POC1B: variants seen among roughly 807,000 people sequenced by gnomAD.
POC1B encodes POC1 centriolar protein homolog B.
In POC1B, 44 loss-of-function variants were observed where a neutral mutation model predicts 60.6. That is an observed-to-expected ratio of 0.73 (90% confidence interval 0.57 to 0.93). POC1B has a LOEUF of 0.93. Ranked by LOEUF, POC1B falls within the 40% of genes least tolerant of loss-of-function variation. POC1B has a pLI of 0.00. For missense variants in POC1B, 555 were observed against 572.3 expected (o/e 0.97, Z 0.31); for synonymous variants, 180 against 198.9 (o/e 0.90, Z 0.80).
intron 11 of POC1B, 47 bp from the exon 12 acceptor site, chr12:89,421,304 G>A: frequency 6.9e-7 from 1 of 1,449,370 alleles, no homozygotes; most frequent in Non-Finnish European, 9.5e-7. Context: ...CTCTGGTGGT[G>A]AGGATGACAA....
chr12:89,524,307 G>T (rs1200681298), intron 2 of POC1B: 2 of 1,613,904 alleles, frequency 1.2e-6, no homozygotes. Flanking sequence ...GCTGGAGTTT[G>T]CTGGCTTTCC....
At chr12:89,446,055 T>C (rs578191269) in intron 10 of POC1B, among the ~76,000 whole-genome samples, 30 of 152,282 alleles carry the variant, frequency 2.0e-4, no homozygotes, top group Admixed American at 3.9e-4. Context: ...CACAATGAGA[T>C]ACCATCTCAC....
rs545320380 is a variant in POC1B at position 89,450,497 on chromosome 12, C to T, written c.1113+9141G>A. 4.6e-5 allele frequency among the ~76,000 whole-genome samples: 7 copies of T among 152,176 alleles called. No homozygotes were observed. The South Asian group carries it at 6.2e-4, about 14-fold the overall frequency. ...TTGGGATTACAGGTGTGAGCCACCG[C>T]GCCCTGCCCAAGGTCAATCTTCTTA... On this transcript the variant is annotated intron_variant, in intron 10 of 11. Coordinates refer to ENST00000313546, the MANE Select transcript of POC1B (RefSeq NM_172240.3).
At chr12:89,470,569 G>T in intron 6 of POC1B, 75 bp from the exon 7 acceptor site, 1 of 1,240,404 alleles carries the variant, frequency 8.1e-7, no homozygotes, top group South Asian at 2.0e-5. Context: ...TGCCTTATTA[G>T]CAATAGGTTG....
chr12:89,412,103 G>A, the POC1B span, among the ~76,000 whole-genome samples: 68 of 152,316 alleles, frequency 4.5e-4, no homozygotes, highest in African/African-American at 1.6e-3. Context: ...AACAACCTAA[G>A]GTAGTGATAG....
chr12:89,440,539 A>G (rs1881467030), intron 10 of POC1B, among the ~76,000 whole-genome samples: 1 of 152,214 alleles, frequency 6.6e-6, no homozygotes, highest in African/African-American at 2.4e-5. Flanking sequence ...TTAAGAAAAA[A>G]CAGCTTAAAT....
chr12:89,492,242 C>G, intron 3 of POC1B, 127 bp from the exon 4 acceptor site: 1 of 761,734 alleles, frequency 1.3e-6, no homozygotes, highest in Non-Finnish European at 1.9e-6. Flanking sequence ...TAAAACCTAA[C>G]AAAAGTATGA....
chr12:89,472,056 C>A (rs1178042663), intron 5 of POC1B, 112 bp downstream of exon 5: 2 of 788,642 alleles, frequency 2.5e-6, no homozygotes, highest in Non-Finnish European at 4.0e-6. Context: ...GCGTGAGCCA[C>A]TGCACCCGGC....
chr12:89,524,514 G>A (rs1871239014), intron 2 of POC1B: 1 of 1,611,946 alleles, frequency 6.2e-7, no homozygotes, highest in Non-Finnish European at 8.5e-7. Context: ...CCAGCAGCAG[G>A]CAGCTCTTGC....
intron 10 of POC1B, among the ~76,000 whole-genome samples, chr12:89,433,899 A>G (rs1408812553): frequency 6.6e-6 from 1 of 152,218 alleles, no homozygotes; most frequent in East Asian, 1.9e-4. Flanking sequence ...CAGAAAAAGG[A>G]ACTGCAGACT....
rs148970909 is a variant in POC1B at position 89,497,275 on chromosome 12, A to G, written c.168T>C (p.Tyr56=). ...TGGTTACAACATCCTTGTGACCCAC[A>G]TATCTGTAAGCTCTAGCATGTGGCT... ...NFKPHARAYR[Y]VGHKDVVTSV... Residue 56 remains tyrosine (Y), a synonymous_variant, in exon 3 of 12, where the codon TAT becomes TAC. Transcript: ENST00000313546. 8.5e-4 allele frequency: 1,375 copies of G among 1,613,310 alleles called. 3 individuals carry two copies. The highest frequency in any genetic ancestry group is 8.6e-4 in the Non-Finnish European group (1,020 of 1,179,926).
At chr12:89,489,435 T>G (rs147486638) in intron 4 of POC1B, among the ~76,000 whole-genome samples, 127 of 152,234 alleles carry the variant, frequency 8.3e-4, no homozygotes, top group African/African-American at 2.9e-3. Context: ...TATACAGAAA[T>G]AATTCTGAGA....
chr12:89,467,543 T>C, intron 8 of POC1B, 74 bp downstream of exon 8: 2 of 1,243,858 alleles, frequency 1.6e-6, no homozygotes, highest in Non-Finnish European at 2.3e-6. Flanking sequence ...ACTAGCTGGT[T>C]GTAAAACTCT....
chr12:89,483,867 C>A (rs944573745), intron 4 of POC1B, among the ~76,000 whole-genome samples: 3 of 152,116 alleles, frequency 2.0e-5, no homozygotes, highest in Non-Finnish European at 4.4e-5. Flanking sequence ...TGGATCTACA[C>A]AAATGAATAA....
At chr12:89,490,949 G>A (rs1166563147) in intron 4 of POC1B, among the ~76,000 whole-genome samples, 9 of 151,766 alleles carry the variant, frequency 5.9e-5, no homozygotes, top group African/African-American at 2.2e-4. Flanking sequence ...TCCTAACAAG[G>A]TCTCCCTGCT....
intron 4 of POC1B, among the ~76,000 whole-genome samples, chr12:89,474,031 C>A (rs1335653586): frequency 6.6e-6 from 1 of 151,918 alleles, no homozygotes; most frequent in Non-Finnish European, 1.5e-5. Context: ...ATGGTGAAAC[C>A]CCATGTCTAC....
chr12:89,468,253 G>T (rs12228177), intron 7 of POC1B, among the ~76,000 whole-genome samples: 29,392 of 152,140 alleles, frequency 0.19, 3,260 homozygotes, highest in South Asian at 0.36. Flanking sequence ...TTGGAGGCCA[G>T]TTAGGAAGTT....
intron 10 of POC1B, among the ~76,000 whole-genome samples, chr12:89,458,220 G>A (rs938195385): frequency 6.6e-6 from 1 of 152,170 alleles, no homozygotes; most frequent in African/African-American, 2.4e-5. Flanking sequence ...GCTCCTTCTC[G>A]CTACAGGGGG....
chr12:89,413,124 C>T, the POC1B span, among the ~76,000 whole-genome samples: 4 of 152,260 alleles, frequency 2.6e-5, no homozygotes, highest in African/African-American at 7.2e-5. Context: ...TTCTCAAATT[C>T]CTTATCTCAC....
Sources: gnomAD v4.1 joint callset for allele counts (sites outside exome capture counted in the v4.1 genomes callset) on GRCh38, gnomAD v4.1.1 for gene constraint, MANE v1.5 for transcripts, NCBI Gene and HGNC (gene_info 2026-07-23, HGNC 2026-07-21) for gene names.